Variants in PRRX1 observed in about 807,000 individuals in gnomAD.
PRRX1 encodes paired mesoderm homeobox protein 1.
In PRRX1, 8 loss-of-function variants were observed where a neutral mutation model predicts 24.0. The observed-to-expected ratio is 0.33, with a 90% confidence interval of 0.20 to 0.60. The LOEUF (loss-of-function observed/expected upper bound fraction) is 0.60. Ranked by LOEUF, PRRX1 falls within the 20% of genes least tolerant of loss-of-function variation. The pLI is 0.82. For synonymous variants in PRRX1, 160 were observed against 131.7 expected (o/e 1.22, Z -1.47); for missense variants, 281 against 322.4 (o/e 0.87, Z 0.98).
chr1:170,694,929 A>G (rs575052038), intron 1 of PRRX1, among the ~76,000 whole-genome samples: 1 of 152,126 alleles, frequency 6.6e-6, no homozygotes, highest in Non-Finnish European at 1.5e-5. Flanking sequence ...TGCTTCTAAT[A>G]TGTCAGTCAG....
At chr1:170,721,355 T>G (rs1655078878) in intron 2 of PRRX1, among the ~76,000 whole-genome samples, 1 of 152,212 alleles carries the variant, frequency 6.6e-6, no homozygotes, top group Non-Finnish European at 1.5e-5. Context: ...CTGCAAATGA[T>G]AACCCTCTTG....
intron 1 of PRRX1, among the ~76,000 whole-genome samples, chr1:170,707,229 T>C (rs191069144): frequency 6.6e-5 from 10 of 152,190 alleles, no homozygotes; most frequent in Admixed American, 5.9e-4. Flanking sequence ...AACTAACAGA[T>C]CTGTAGTAAA....
intron 3 of PRRX1, among the ~76,000 whole-genome samples, chr1:170,733,564 G>T (rs1191760173): frequency 2.0e-5 from 3 of 152,068 alleles, no homozygotes; most frequent in Non-Finnish European, 4.4e-5. Context: ...ATTCAAATTT[G>T]TTCTCAATAC....
chr1:170,664,045 ATTTT>A, upstream of PRRX1: 1 of 548,238 alleles, frequency 1.8e-6, no homozygotes, highest in Non-Finnish European at 3.0e-6. Context: ...CTCTTTTCCA[ATTTT>A]TTTTTTTTGG....
At chr1:170,704,578 C>A (rs1035671890) in intron 1 of PRRX1, among the ~76,000 whole-genome samples, 5 of 152,150 alleles carry the variant, frequency 3.3e-5, no homozygotes, top group African/African-American at 9.7e-5. Flanking sequence ...CTTAAAGGAA[C>A]CTTGAGAAGC....
intron 1 of PRRX1, among the ~76,000 whole-genome samples, chr1:170,681,513 A>G (rs7520192): frequency 0.35 from 52,572 of 150,230 alleles, 9,690 homozygotes; most frequent in Middle Eastern, 0.51. Flanking sequence ...AAACCCTCTT[A>G]ATAGCACTAG....
intron 1 of PRRX1, among the ~76,000 whole-genome samples, chr1:170,664,839 C>G (rs1449806157): frequency 1.3e-5 from 2 of 152,194 alleles, no homozygotes; most frequent in Non-Finnish European, 2.9e-5. Flanking sequence ...CTCAGAGAGC[C>G]AGCGCTGTTT....
chr1:170,686,389 A>C (rs533018468), intron 1 of PRRX1, among the ~76,000 whole-genome samples: 101 of 152,256 alleles, frequency 6.6e-4, no homozygotes, highest in African/African-American at 2.2e-3. Flanking sequence ...GCAGAAGGGA[A>C]GGAAGAGACG....
intron 1 of PRRX1, among the ~76,000 whole-genome samples, chr1:170,696,789 C>T (rs1042590320): frequency 6.6e-6 from 1 of 152,128 alleles, no homozygotes; most frequent in Non-Finnish European, 1.5e-5. Flanking sequence ...AGAAAGAAAA[C>T]GTTTACCACT....
At chr1:170,669,054 T>G (rs1481996733) in intron 1 of PRRX1, 1 of 152,088 alleles carries the variant, frequency 6.6e-6, no homozygotes, top group Non-Finnish European at 1.5e-5. Context: ...GGGAAATTGA[T>G]AGTCCAGTGA....
At chr1:170,672,138 A>G (rs921740228) in intron 1 of PRRX1, among the ~76,000 whole-genome samples, 1 of 152,156 alleles carries the variant, frequency 6.6e-6, no homozygotes, top group Non-Finnish European at 1.5e-5. Flanking sequence ...TCCAATCTGC[A>G]AATCTGACTC....
chr1:170,733,096 G>A (rs1312104194), intron 3 of PRRX1, among the ~76,000 whole-genome samples: 2 of 152,076 alleles, frequency 1.3e-5, no homozygotes, highest in African/African-American at 2.4e-5. Flanking sequence ...TCTCATTTGG[G>A]ATATTACAGT....
chr1:170,734,620 A>T (rs1655546516), intron 3 of PRRX1, among the ~76,000 whole-genome samples: 1 of 151,802 alleles, frequency 6.6e-6, no homozygotes, highest in Non-Finnish European at 1.5e-5. Context: ...TCCTTTTGAA[A>T]CCTTTCTGAG....
Position 170,707,231 on chromosome 1 carries a change from T to C in PRRX1, c.242-12495T>C, listed in dbSNP as rs552051019. On this transcript the variant is annotated intron_variant, in intron 1 of 3. Transcript: ENST00000239461. ...AGCTTTCTCCTCAAACTAACAGATC[T>C]GTAGTAAAGGAATAAGTTTAATGAT... Among the ~76,000 whole-genome samples the C allele has an allele frequency of 9.9e-5, 15 of 152,210 alleles. No individual in the cohort carries two copies. The South Asian group carries it at 3.1e-3, about 32-fold the overall frequency.
intron 1 of PRRX1, among the ~76,000 whole-genome samples, chr1:170,680,044 A>T (rs1053386707): frequency 6.6e-6 from 1 of 152,218 alleles, no homozygotes; most frequent in Admixed American, 6.5e-5. Context: ...ACCTATCCAA[A>T]TGTATCATTT....
At chr1:170,725,378 A>T (rs1476021572) in intron 2 of PRRX1, among the ~76,000 whole-genome samples, 2 of 152,146 alleles carry the variant, frequency 1.3e-5, no homozygotes, top group Non-Finnish European at 2.9e-5. Context: ...CTTGAACCCT[A>T]CAATTAGGTG....
rs1347556522 is a variant in PRRX1 at position 170,738,391 on chromosome 1, G to A, written c.*2205G>A. On this transcript the variant is annotated 3_prime_UTR_variant, in exon 4 of 4. Coordinates refer to ENST00000239461, the MANE Select transcript of PRRX1 (RefSeq NM_022716.4). ...TAATGAAGCTCATCTTATACATTTTGCTTTCACCAATTGATTCCTTCTTCT... is the reference window on the plus strand; with the variant it reads ...TAATGAAGCTCATCTTATACATTTTACTTTCACCAATTGATTCCTTCTTCT... The A allele has an allele frequency of 8.9e-6, 2 of 225,894 alleles. No individual in the cohort carries two copies. Among genetic ancestry groups the A allele is most frequent in the Non-Finnish European group, 1.8e-5 (2 of 113,644 alleles). The allele number at this position is 225,894 out of a possible 1,614,324, so 14.0% of individuals were successfully genotyped here.
At chr1:170,667,779 T>G (rs2101882140) in intron 1 of PRRX1, 1 of 152,354 alleles carries the variant, frequency 6.6e-6, no homozygotes, top group South Asian at 2.1e-4. Flanking sequence ...AAAAGAAGCC[T>G]TTGGCTCTTT....
Position 170,738,230 on chromosome 1 carries a change from G to A in PRRX1, c.*2044G>A, listed in dbSNP as rs560123393. On this transcript the variant is annotated 3_prime_UTR_variant, in exon 4 of 4. Coordinates refer to ENST00000239461, the MANE Select transcript of PRRX1 (RefSeq NM_022716.4). ...CTGAGTGACAGGCAAGGATTTTTGG[G>A]TTTAAGATGCACTTTTAGCACACAT... 2.7e-5 allele frequency: 6 copies of A among 224,854 alleles called. No homozygotes were observed. The highest frequency in any genetic ancestry group is 3.7e-4 in the South Asian group (2 of 5,454). 13.9% of individuals were successfully genotyped at this position (224,854 alleles called of 1,614,324 possible).
Sources: gnomAD v4.1 joint callset for allele counts (sites outside exome capture counted in the v4.1 genomes callset) on GRCh38, gnomAD v4.1.1 for gene constraint, MANE v1.5 for transcripts, NCBI Gene and HGNC (gene_info 2026-07-23, HGNC 2026-07-21) for gene names.